Variants in C7orf33 observed in about 807,000 individuals in gnomAD.
The protein encoded by C7orf33 is chromosome 7 open reading frame 33, also known as uncharacterized protein C7orf33.
C7orf33 carries 15 observed loss-of-function variants against 13.4 expected under a neutral mutation model. The ratio of observed to expected loss-of-function variants is 1.12; its 90% CI spans 0.75 to 1.72. The LOEUF (loss-of-function observed/expected upper bound fraction) is 1.72, where lower values mean the gene tolerates loss of function less well. Ranked by LOEUF, C7orf33 falls within the 40% of genes most tolerant of loss-of-function variation. The pLI, the probability that C7orf33 is intolerant of heterozygous loss-of-function variation, is 0.00. For synonymous variants in C7orf33, 73 were observed against 83.2 expected (o/e 0.88, Z 0.67); for missense variants, 187 against 220.3 (o/e 0.85, Z 0.96).
intron 1 of C7orf33, among the ~76,000 whole-genome samples, chr7:148,608,431 A>T (rs1796499383): frequency 2.7e-5 from 4 of 149,538 alleles, no homozygotes; most frequent in Admixed American, 2.7e-4. Context: ...CTGCATCTCG[A>T]AATAATAATA....
At chr7:148,592,162 A>C (rs1202246803) in intron 1 of C7orf33, among the ~76,000 whole-genome samples, 1 of 152,210 alleles carries the variant, frequency 6.6e-6, no homozygotes, top group Non-Finnish European at 1.5e-5. Context: ...TCTGATATGA[A>C]GAATGACTCT....
intron 1 of C7orf33, among the ~76,000 whole-genome samples, chr7:148,596,796 C>T (rs553301346): frequency 3.3e-5 from 5 of 152,134 alleles, no homozygotes; most frequent in Admixed American, 6.6e-5. Context: ...CTGTTCCTCC[C>T]TTCCTCCTTC....
chr7:148,609,103 G>GAAA (rs59392988), intron 1 of C7orf33, among the ~76,000 whole-genome samples: 1 of 131,366 alleles, frequency 7.6e-6, no homozygotes, highest in Admixed American at 7.8e-5. Context: ...ACGTTATTTT[G>GAAA]AAAAAAAAAA....
chr7:148,590,799 G>C lies in C7orf33; in HGVS notation c.-127G>C. ...TGATGCCAATCCAGTGGTCAGGAGC[G>C]AGGCGCCCAGCCTGTGTCTGAATCC... On this transcript the variant is annotated 5_prime_UTR_variant, in exon 1 of 3. Coordinates refer to ENST00000307003, the MANE Select transcript of C7orf33 (RefSeq NM_145304.4). The C allele has an allele frequency of 2.4e-6, 2 of 838,514 alleles. No individual in the cohort carries two copies. Among genetic ancestry groups the C allele is most frequent in the Non-Finnish European group, 3.9e-6 (2 of 509,122 alleles). 51.9% of individuals were successfully genotyped at this position (838,514 alleles called of 1,614,324 possible). A position where few individuals can be genotyped will look rare whatever the true frequency, so the allele number is the denominator to read the frequency against.
At chr7:148,597,748 T>C (rs1796357086) in intron 1 of C7orf33, among the ~76,000 whole-genome samples, 1 of 151,922 alleles carries the variant, frequency 6.6e-6, no homozygotes, top group Non-Finnish European at 1.5e-5. Flanking sequence ...TGTTTTGTTT[T>C]GTTTTGTTTT....
intron 1 of C7orf33, among the ~76,000 whole-genome samples, chr7:148,597,636 T>A (rs184100340): frequency 6.6e-6 from 1 of 152,312 alleles, no homozygotes; most frequent in East Asian, 1.9e-4. Context: ...ATCTTCATGC[T>A]ACTATCCAGC....
intron 1 of C7orf33, among the ~76,000 whole-genome samples, chr7:148,593,669 C>G (rs1233394922): frequency 1.3e-5 from 2 of 152,086 alleles, no homozygotes; most frequent in African/African-American, 4.8e-5. Context: ...TTTCCTCTGA[C>G]TGGGTGTTTA....
rs76175184 is a variant in C7orf33 at position 148,603,737 on chromosome 7, C to A, written c.205-10305C>A. ...AGAAAATAAGTCATTTGTTAAAGAA[C>A]CTGTACTTCACTGTACCAACAGGAG... On this transcript the variant is annotated intron_variant, in intron 1 of 2. Transcript: ENST00000307003. 1.3e-4 allele frequency among the ~76,000 whole-genome samples: 20 copies of A among 152,264 alleles called. No individual in the cohort carries two copies. In the East Asian group the frequency reaches 3.9e-3, roughly 29 times the overall value.
chr7:148,611,336 AT>A (rs1796534308), intron 1 of C7orf33, among the ~76,000 whole-genome samples: 1 of 152,162 alleles, frequency 6.6e-6, no homozygotes, highest in Admixed American at 6.5e-5. Context: ...CTGTACCCAT[AT>A]AAACCCAAGA....
rs917881651 is a variant in C7orf33, at chr7:148,597,966, A to G, written c.204+6837A>G. ...GAGATGGGGTTTCACTGTGTTAGCC[A>G]GGATGATCTCGATCTCCTGACCTAG... On this transcript the variant is annotated intron_variant, in intron 1 of 2. Transcript: ENST00000307003. 2.0e-5 allele frequency among the ~76,000 whole-genome samples: 3 copies of G among 152,172 alleles called. 1 individual carries two copies. In the South Asian group the frequency reaches 6.2e-4, roughly 31 times the overall value.
chr7:148,592,703 CAG>C (rs1207213841), intron 1 of C7orf33, among the ~76,000 whole-genome samples: 1 of 151,952 alleles, frequency 6.6e-6, no homozygotes, highest in Non-Finnish European at 1.5e-5. Flanking sequence ...TTAGTAGAGA[CAG>C]GGTTTCACCA....
intron 1 of C7orf33, among the ~76,000 whole-genome samples, chr7:148,591,726 A>G (rs1383152878): frequency 1.3e-5 from 2 of 152,090 alleles, no homozygotes; most frequent in South Asian, 2.1e-4. Context: ...GACTACAGCC[A>G]TGTGCCATCA....
chr7:148,607,837 T>C (rs61025811), intron 1 of C7orf33, among the ~76,000 whole-genome samples: 3,418 of 152,282 alleles, frequency 0.022, 127 homozygotes, highest in African/African-American at 0.078. Context: ...CTCTTTTGTA[T>C]TCCTATATTC....
intron 1 of C7orf33, among the ~76,000 whole-genome samples, chr7:148,593,252 G>C (rs565573106): frequency 6.6e-6 from 1 of 151,846 alleles, no homozygotes; most frequent in Admixed American, 6.6e-5. Flanking sequence ...AGAATGTTCT[G>C]AATTTCTTTA....
intron 1 of C7orf33, among the ~76,000 whole-genome samples, chr7:148,595,242 T>G (rs914917702): frequency 6.9e-6 from 1 of 144,394 alleles, no homozygotes. Flanking sequence ...ATATATTATA[T>G]AGATATATAT....
chr7:148,593,720 G>A (rs565961465), intron 1 of C7orf33, among the ~76,000 whole-genome samples: 10 of 152,292 alleles, frequency 6.6e-5, no homozygotes, highest in African/African-American at 2.4e-4. Flanking sequence ...AGGGTCGGGG[G>A]ATACAGCCTG....
At chr7:148,597,689 C>T (rs1796355541) in intron 1 of C7orf33, among the ~76,000 whole-genome samples, 1 of 152,138 alleles carries the variant, frequency 6.6e-6, no homozygotes, top group African/African-American at 2.4e-5. Flanking sequence ...CAAAAAGTAA[C>T]CATTATTCTG....
At chr7:148,604,034 T>C (rs569743114) in intron 1 of C7orf33, among the ~76,000 whole-genome samples, 13 of 152,200 alleles carry the variant, frequency 8.5e-5, no homozygotes, top group Middle Eastern at 3.4e-3. Context: ...TTGTGATATA[T>C]GTATCCCATG....
At chr7:148,601,984 A>C (rs1378471993) in intron 1 of C7orf33, among the ~76,000 whole-genome samples, 1 of 152,034 alleles carries the variant, frequency 6.6e-6, no homozygotes, top group African/African-American at 2.4e-5. Flanking sequence ...CCTGGCCTCA[A>C]GCGATCCTCC....
Sources: gnomAD v4.1 joint callset for allele counts (sites outside exome capture counted in the v4.1 genomes callset) on GRCh38, gnomAD v4.1.1 for gene constraint, MANE v1.5 for transcripts, NCBI Gene and HGNC (gene_info 2026-07-23, HGNC 2026-07-21) for gene names.